The following FOXP2 variants were observed in gnomAD, a reference collection of about 807,000 sequenced individuals.
FOXP2 encodes the protein forkhead box P2, also known as forkhead box protein P2.
A neutral mutation model predicts 115.8 loss-of-function variants in FOXP2; 12 were observed. That is an observed-to-expected ratio of 0.10 (90% CI 0.07 to 0.17). The LOEUF is 0.17. FOXP2 is among the 10% of genes least tolerant of loss of function. The probability of loss-of-function intolerance (pLI) is 1.00; values close to 1 mark genes in which losing one functional copy is unlikely to be tolerated. For missense variants in FOXP2, 629 were observed against 843.5 expected, an observed-to-expected ratio of 0.75 and a Z score of 3.15; for synonymous variants, 328 against 297.7, an observed-to-expected ratio of 1.10 and a Z score of -1.05.
chr7:114,195,278 A>C (rs1046682043), intron 1 of FOXP2, among the ~76,000 whole-genome samples: 3 of 152,200 alleles, frequency 2.0e-5, no homozygotes, highest in African/African-American at 7.2e-5. Flanking sequence ...TGCCACACAG[A>C]AAGTTAGAAA....
rs1808655746 is a variant in FOXP2 at position 114,691,278 on chromosome 7, A to G, written c.*1352A>G. On this transcript the variant is annotated 3_prime_UTR_variant, in exon 17 of 17. Transcript: ENST00000350908. Reference sequence around the variant, plus strand: ...AGTCTTAAGTTATAATGAAAAAACAAAAAGTAGGAACCAAACATAAAAGGT... The same window carrying G: ...AGTCTTAAGTTATAATGAAAAAACAGAAAGTAGGAACCAAACATAAAAGGT... 2 of 451,524 alleles carry G rather than the reference A, an allele frequency of 4.4e-6. No individual in the cohort carries two copies. The highest frequency in any genetic ancestry group is 8.8e-6 in the Non-Finnish European group (2 of 226,210). The allele number at this position is 451,524 out of a possible 1,614,324, so 28.0% of individuals were successfully genotyped here. A position where few individuals can be genotyped will look rare whatever the true frequency, so the allele number is the denominator to read the frequency against.
intron 1 of FOXP2, among the ~76,000 whole-genome samples, chr7:114,249,610 A>T (rs1273981609): frequency 6.6e-6 from 1 of 152,104 alleles, no homozygotes; most frequent in Non-Finnish European, 1.5e-5. Context: ...TATGCAGTCT[A>T]TCATTGATGG....
chr7:114,457,517 T>G (rs1021190217), intron 2 of FOXP2, among the ~76,000 whole-genome samples: 1 of 152,204 alleles, frequency 6.6e-6, no homozygotes, highest in Non-Finnish European at 1.5e-5. Flanking sequence ...AAATTGCTGC[T>G]CATATTTTTA....
At chr7:114,293,201 A>G (rs1796652629) in intron 2 of FOXP2, among the ~76,000 whole-genome samples, 1 of 152,184 alleles carries the variant, frequency 6.6e-6, no homozygotes, top group Admixed American at 6.5e-5. Flanking sequence ...GTTTGCTGGT[A>G]TGTTGCTTTT....
chr7:114,658,980 T>G (rs1806731646), intron 11 of FOXP2, among the ~76,000 whole-genome samples: 1 of 152,134 alleles, frequency 6.6e-6, no homozygotes, highest in Admixed American at 6.6e-5. Context: ...TGGCCACAGA[T>G]GCAGAGGTGA....
At chr7:114,491,892 C>G (rs1385403565) in intron 2 of FOXP2, among the ~76,000 whole-genome samples, 1 of 152,050 alleles carries the variant, frequency 6.6e-6, no homozygotes, top group Non-Finnish European at 1.5e-5. Context: ...TGTATCTCTG[C>G]CAGGCTTTGG....
chr7:114,481,898 C>A (rs2189009), intron 2 of FOXP2, among the ~76,000 whole-genome samples: 47 of 151,140 alleles, frequency 3.1e-4, no homozygotes, highest in African/African-American at 1.0e-3. Flanking sequence ...GCCCCCTTAT[C>A]TGAGACATTT....
chr7:114,330,935 A>G (rs1178418222), intron 2 of FOXP2, among the ~76,000 whole-genome samples: 1 of 152,190 alleles, frequency 6.6e-6, no homozygotes, highest in Admixed American at 6.5e-5. Context: ...TGAAATATGA[A>G]TTACCTAAAT....
chr7:114,480,721 A>G (rs987771069), intron 2 of FOXP2, among the ~76,000 whole-genome samples: 2 of 150,688 alleles, frequency 1.3e-5, no homozygotes, highest in Non-Finnish European at 3.0e-5. Flanking sequence ...GCATGTATAT[A>G]CATATACACG....
chr7:114,244,085 A>G (rs1795219882), intron 1 of FOXP2, among the ~76,000 whole-genome samples: 1 of 152,098 alleles, frequency 6.6e-6, no homozygotes, highest in Non-Finnish European at 1.5e-5. Flanking sequence ...TAAGAAGTTT[A>G]ATGCATAGCA....
chr7:114,131,410 A>T (rs937842149), intron 1 of FOXP2, among the ~76,000 whole-genome samples: 8 of 152,204 alleles, frequency 5.3e-5, no homozygotes, highest in African/African-American at 1.9e-4. Flanking sequence ...ATGCCCATGC[A>T]CACATGCACA....
At chr7:114,658,696 GA>G (rs1223904631) in intron 11 of FOXP2, among the ~76,000 whole-genome samples, 2 of 152,198 alleles carry the variant, frequency 1.3e-5, no homozygotes, top group Non-Finnish European at 2.9e-5. Flanking sequence ...CTACCTAAAT[GA>G]AATCCTGTCA....
intron 1 of FOXP2, chr7:114,416,394 T>A (rs1270200030): frequency 6.6e-6 from 1 of 151,622 alleles, no homozygotes; most frequent in African/African-American, 2.4e-5. Flanking sequence ...CAACAGCTTT[T>A]TCCTCTGACC....
At chr7:114,201,826 G>A (rs554830013) in intron 1 of FOXP2, among the ~76,000 whole-genome samples, 1 of 152,300 alleles carries the variant, frequency 6.6e-6, no homozygotes, top group South Asian at 2.1e-4. Flanking sequence ...GCAGGAGTAT[G>A]AAATGGCGCA....
chr7:114,644,796 T>G lies in FOXP2; in HGVS notation c.1094+7T>G, dbSNP rs543528343. 69 of 1,610,622 alleles carry G rather than the reference T, an allele frequency of 4.3e-5. 1 individual carries two copies. The South Asian group carries it at 7.5e-4, about 17-fold the overall frequency. ...ATTTTGGACAGTTTTTAAAGTAGGTTTTTTACTTTTTTTTGGTGGGGGGCG... is the reference window on the plus strand; with the variant it reads ...ATTTTGGACAGTTTTTAAAGTAGGTGTTTTACTTTTTTTTGGTGGGGGGCG... On this transcript the variant is annotated splice_region_variant and intron_variant, in intron 8 of 16. Coordinates refer to ENST00000350908, the MANE Select transcript of FOXP2 (RefSeq NM_014491.4).
At chr7:114,663,219 C>T (rs971969745) in intron 14 of FOXP2, among the ~76,000 whole-genome samples, 1 of 152,056 alleles carries the variant, frequency 6.6e-6, no homozygotes, top group African/African-American at 2.4e-5. Context: ...CTCACTTTGC[C>T]TGCACACCAT....
At chr7:114,411,713 A>T (rs1028431299), upstream of FOXP2, among the ~76,000 whole-genome samples, 7 of 152,140 alleles carry the variant, frequency 4.6e-5, no homozygotes, top group African/African-American at 1.7e-4. Context: ...GTATTTAATC[A>T]GTGTCCTAGC....
intron 1 of FOXP2, 133 bp downstream of exon 1, chr7:114,415,493 C>T (rs1793298794): frequency 8.3e-6 from 3 of 359,460 alleles, no homozygotes; most frequent in Non-Finnish European, 5.4e-6. Flanking sequence ...TTGAAATGAA[C>T]TAGAGCATTG....
chr7:114,509,236 G>C (rs560085584), intron 2 of FOXP2, among the ~76,000 whole-genome samples: 1 of 151,994 alleles, frequency 6.6e-6, no homozygotes, highest in East Asian at 1.9e-4. Context: ...CCTTAGAAAA[G>C]GAAATCAACA....
Sources: gnomAD v4.1 joint callset for allele counts (sites outside exome capture counted in the v4.1 genomes callset) on GRCh38, gnomAD v4.1.1 for gene constraint, MANE v1.5 for transcripts, NCBI Gene and HGNC (gene_info 2026-07-23, HGNC 2026-07-21) for gene names.